Variants in TLN2 observed in about 807,000 individuals in gnomAD.
The protein encoded by TLN2 is talin-2.
Under a neutral mutation model 294.7 loss-of-function variants are expected in TLN2, and 118 were observed. That is an observed-to-expected ratio of 0.40 (90% confidence interval 0.34 to 0.47). The LOEUF (loss-of-function observed/expected upper bound fraction) is 0.47, where lower values mean the gene tolerates loss of function less well. Among genes scored for constraint, TLN2 ranks in the 20% least tolerant of loss-of-function variants. The pLI is 0.84. For missense variants in TLN2, 3,083 were observed against 3,282.2 expected (o/e 0.94, Z 1.48); for synonymous variants, 1,431 against 1,304.5 (o/e 1.10, Z -2.09).
At chr15:62,711,690 T>C (rs2059439345) in intron 21 of TLN2, among the ~76,000 whole-genome samples, 1 of 152,224 alleles carries the variant, frequency 6.6e-6, no homozygotes, top group Non-Finnish European at 1.5e-5. Context: ...TAGTGAAAGG[T>C]TGAACCTGGC....
At chr15:62,582,497 A>G (rs527728729) in intron 1 of TLN2, among the ~76,000 whole-genome samples, 1 of 152,332 alleles carries the variant, frequency 6.6e-6, no homozygotes, top group East Asian at 1.9e-4. Flanking sequence ...GTAAGTACAG[A>G]AATTGAGATG....
intron 39 of TLN2, 181 bp from the exon 40 acceptor site, chr15:62,763,382 A>AAT: frequency 1.6e-6 from 1 of 611,222 alleles, no homozygotes; most frequent in East Asian, 3.0e-5. Context: ...TGAAGTGTTA[A>AAT]ATTAAGGAAT....
chr15:62,569,939 A>G (rs1836541), intron 1 of TLN2, among the ~76,000 whole-genome samples: 34,831 of 152,084 alleles, frequency 0.23, 4,387 homozygotes, highest in East Asian at 0.55. Context: ...TGAAGCAGTA[A>G]TTTTGTGTGA....
chr15:62,655,496 A>G (rs1022147592), intron 7 of TLN2, among the ~76,000 whole-genome samples: 4 of 152,116 alleles, frequency 2.6e-5, no homozygotes, highest in African/African-American at 4.8e-5. Context: ...TACTATGCTC[A>G]TAGCCTCAAG....
In TLN2 at chr15:62,689,877, T is replaced by TTTTTTTTTTTTTTTTTTTA. The variant is rs71131119; in HGVS notation, c.1114-2963_1114-2962insTTTTTTTTTTTTTTTTTTA. Among the ~76,000 whole-genome samples, 24 of 9,848 alleles carry TTTTTTTTTTTTTTTTTTTA rather than the reference T, an allele frequency of 2.4e-3. 11 individuals carry two copies. The highest frequency in any genetic ancestry group is 5.8e-3 in the Non-Finnish European group (20 of 3,428). 6.5% of individuals were successfully genotyped at this position (9,848 alleles called of 152,430 possible). On this transcript the variant is annotated intron_variant, in intron 12 of 58. Coordinates refer to ENST00000636159, the MANE Select transcript of TLN2 (RefSeq NM_015059.3). ...TTTTTTTTTTTTTTTTTTTTTTTTTTATTGGCTGACCCCCCTTCCTCCCTC... is the reference window on the plus strand; with the variant it reads ...TTTTTTTTTTTTTTTTTTTTTTTTTTTTTTTTTTTTTTTTTTTTAATTGGCTGACCCCCCTTCCTCCCTC...
intron 1 of TLN2, among the ~76,000 whole-genome samples, chr15:62,585,846 G>T (rs1198975688): frequency 1.3e-5 from 2 of 152,194 alleles, no homozygotes; most frequent in Non-Finnish European, 2.9e-5. Flanking sequence ...TAGGGACCTT[G>T]TTATGATCAG....
chr15:62,479,255 A>G (rs1419708794), intron 1 of TLN2, among the ~76,000 whole-genome samples: 2 of 152,166 alleles, frequency 1.3e-5, no homozygotes, highest in Admixed American at 1.3e-4. Context: ...ATAGGCATCA[A>G]GGACTGGTAC....
At chr15:62,432,028 A>G (rs78526680) in intron 1 of TLN2, among the ~76,000 whole-genome samples, 2,077 of 152,292 alleles carry the variant, frequency 0.014, 46 homozygotes, top group African/African-American at 0.047. Context: ...GAATGCAGAC[A>G]ACAAATTCAC....
chr15:62,664,857 C>CAAAAAAAAAAAAA (rs10634187), intron 9 of TLN2, among the ~76,000 whole-genome samples: 1,246 of 29,168 alleles, frequency 0.043, 322 homozygotes, highest in Non-Finnish European at 0.048. Flanking sequence ...GAAACTGTCT[C>CAAAAAAAAAAAAA]AAAAAAAAAA....
At chr15:62,762,984 T>C (rs2062769891) in intron 39 of TLN2, among the ~76,000 whole-genome samples, 1 of 152,240 alleles carries the variant, frequency 6.6e-6, no homozygotes, top group Admixed American at 6.5e-5. Context: ...AGATATAACA[T>C]TTCTGAAGTT....
intron 1 of TLN2, among the ~76,000 whole-genome samples, chr15:62,447,737 C>G (rs928163715): frequency 2.0e-5 from 3 of 152,108 alleles, no homozygotes; most frequent in African/African-American, 7.2e-5. Flanking sequence ...CCGTGATCTG[C>G]CCGCCTTGGC....
chr15:62,396,994 G>A (rs2456472), intron 1 of TLN2, among the ~76,000 whole-genome samples: 39,095 of 151,944 alleles, frequency 0.26, 5,849 homozygotes, highest in East Asian at 0.62. Flanking sequence ...CATGAGCCAC[G>A]GTGCCTGGCC....
rs933362506 is a variant in TLN2, at chr15:62,820,701, T to G, written c.7002+91T>G. ...GGAGCTAGGAGTGCTGCAGGGAGCT[T>G]GGCTCCTTCCTTATGGTCAGACTAG... On this transcript the variant is annotated intron_variant, in intron 54 of 58. Coordinates refer to ENST00000636159, the MANE Select transcript of TLN2 (RefSeq NM_015059.3). 7 of 1,508,848 alleles carry G rather than the reference T, an allele frequency of 4.6e-6. No individual in the cohort carries two copies. The Admixed American group carries it at 5.6e-5, about 12-fold the overall frequency. The allele number at this position is 1,508,848 out of a possible 1,614,324, so 93.5% of individuals were successfully genotyped here.
intron 1 of TLN2, among the ~76,000 whole-genome samples, chr15:62,430,369 C>T (rs919542439): frequency 1.3e-5 from 2 of 152,214 alleles, no homozygotes; most frequent in Non-Finnish European, 2.9e-5. Context: ...CTATCAAAAA[C>T]AATTACAACT....
rs1035582100 is a variant in TLN2 at position 62,736,752 on chromosome 15, A to G, written c.3359-126A>G. 38 of 1,079,756 alleles carry G rather than the reference A, an allele frequency of 3.5e-5. No individual in the cohort carries two copies. The Admixed American group carries it at 4.7e-4, about 13-fold the overall frequency. 66.9% of individuals were successfully genotyped at this position (1,079,756 alleles called of 1,614,324 possible). ...ACTTCTTTGAGAAACACAGCAATTC[A>G]AATTTTATGAAGACTAATCTGCAGC... On this transcript the variant is annotated intron_variant, in intron 28 of 58. Coordinates refer to ENST00000636159, the MANE Select transcript of TLN2 (RefSeq NM_015059.3).
chr15:62,514,834 T>C (rs946089325), intron 1 of TLN2, among the ~76,000 whole-genome samples: 1 of 152,014 alleles, frequency 6.6e-6, no homozygotes, highest in Non-Finnish European at 1.5e-5. Context: ...CCTGTTGGAG[T>C]GTGGAATTAA....
At chr15:62,740,559 C>T (rs1311787705) in intron 31 of TLN2, 71 bp from the exon 32 acceptor site, 1 of 1,596,806 alleles carries the variant, frequency 6.3e-7, no homozygotes. Flanking sequence ...GGATGCTGCT[C>T]CTAGCTCTCT....
chr15:62,832,776 C>T (rs1596184391), intron 54 of TLN2: 1 of 151,816 alleles, frequency 6.6e-6, no homozygotes, highest in Non-Finnish European at 1.5e-5. Context: ...AATGCCAGTG[C>T]TGTTTGGCTT....
chr15:62,519,635 T>C (rs2040358111), intron 1 of TLN2, among the ~76,000 whole-genome samples: 1 of 152,162 alleles, frequency 6.6e-6, no homozygotes, highest in Non-Finnish European at 1.5e-5. Context: ...GCAAAAGTGA[T>C]TGGTAAAGGA....
Sources: allele counts gnomAD v4.1 joint callset (sites outside exome capture counted in the v4.1 genomes callset), GRCh38; gene constraint gnomAD v4.1.1; transcripts MANE v1.5; gene names NCBI Gene and HGNC (gene_info 2026-07-23, HGNC 2026-07-21).